AKT3: variants seen among roughly 807,000 people sequenced by gnomAD.
AKT3 encodes the protein AKT serine/threonine kinase 3.
In AKT3, 15 loss-of-function variants were observed where a neutral mutation model predicts 65.3. That is an observed-to-expected ratio of 0.23 (90% CI 0.15 to 0.35). The LOEUF (loss-of-function observed/expected upper bound fraction) is 0.35. AKT3 is among the 10% of genes least tolerant of loss of function. The pLI, the probability that AKT3 is intolerant of heterozygous loss-of-function variation, is 1.00. For missense variants in AKT3, 243 were observed against 576.5 expected (o/e 0.42, Z 5.92); for synonymous variants, 206 against 183.8 (o/e 1.12, Z -0.98).
intron 2 of AKT3, among the ~76,000 whole-genome samples, chr1:243,786,686 TG>T (rs573524393): frequency 1.3e-5 from 2 of 149,866 alleles, no homozygotes; most frequent in East Asian, 2.0e-4. Context: ...AAGCACGGGG[TG>T]GGGGGGTGCG....
intron 3 of AKT3, among the ~76,000 whole-genome samples, chr1:243,673,460 T>C (rs1683288716): frequency 6.6e-6 from 1 of 152,164 alleles, no homozygotes; most frequent in African/African-American, 2.4e-5. Context: ...TTATATTTAA[T>C]AGTGGCATAA....
At chr1:243,571,190 G>A (rs992662026) in intron 9 of AKT3, among the ~76,000 whole-genome samples, 4 of 152,176 alleles carry the variant, frequency 2.6e-5, no homozygotes, top group Non-Finnish European at 5.9e-5. Context: ...GGTGGCACAT[G>A]CCTGTAATCC....
At chr1:243,656,910 T>C (rs1681845170) in intron 4 of AKT3, among the ~76,000 whole-genome samples, 2 of 152,196 alleles carry the variant, frequency 1.3e-5, no homozygotes, top group Non-Finnish European at 1.5e-5. Context: ...AACAGTAAAT[T>C]AGTGGTGTAT....
At chr1:243,609,334 C>CTGTGTGTGTG (rs72249798) in intron 8 of AKT3, among the ~76,000 whole-genome samples, 5,264 of 148,116 alleles carry the variant, frequency 0.036, 99 homozygotes, top group Non-Finnish European at 0.045. Flanking sequence ...TTTTCATTTT[C>CTGTGTGTGTG]TGTGTGTGTG....
intron 2 of AKT3, among the ~76,000 whole-genome samples, chr1:243,732,557 A>G (rs1197495327): frequency 6.6e-6 from 1 of 152,256 alleles, no homozygotes; most frequent in Non-Finnish European, 1.5e-5. Context: ...AAGAACAGGA[A>G]AAGAGTTTGT....
intron 2 of AKT3, among the ~76,000 whole-genome samples, chr1:243,827,991 T>C (rs1185853632): frequency 2.0e-5 from 3 of 152,252 alleles, no homozygotes; most frequent in East Asian, 1.9e-4. Flanking sequence ...AGTTAGCAAG[T>C]AGCTTATCAC....
At position 243,788,534 on chromosome 1, in the gene AKT3, C is replaced by G. The variant is rs1423765350; in HGVS notation, c.46+54591G>C. Among the ~76,000 whole-genome samples the G allele has an allele frequency of 2.0e-5, 3 of 152,200 alleles. No individual in the cohort carries two copies. In the South Asian group the frequency reaches 6.2e-4, roughly 32 times the overall value. ...ATAGTATTTGCATATAACCTACACA[C>G]ATTATCCTGTATACAGGCATACCTC... On this transcript the variant is annotated intron_variant, in intron 2 of 13. Coordinates refer to ENST00000673466, the MANE Select transcript of AKT3 (RefSeq NM_005465.7).
In AKT3 at chr1:243,667,722, T is replaced by G. The variant is rs1682894330; in HGVS notation, c.173-2839A>C. ...CTGCAGTGTTTCAGTTCACTAAGAA[T>G]AGATGAGTAAGGCCTTTAAGTGATC... is the stretch of plus-strand genomic sequence containing the variant. On this transcript the variant is annotated intron_variant, in intron 3 of 13. Transcript: ENST00000673466. 1.3e-5 allele frequency among the ~76,000 whole-genome samples: 2 copies of G among 152,178 alleles called. 1 individual carries two copies. Among genetic ancestry groups the G allele is most frequent in the South Asian group, 4.1e-4 (2 of 4,826 alleles).
intron 13 of AKT3, 113 bp from the exon 14 acceptor site, chr1:243,505,447 CCCA>C: frequency 1.2e-6 from 1 of 802,588 alleles, no homozygotes. Flanking sequence ...GGCAATAGCT[CCCA>C]TAAACTTGTG....
In AKT3 at chr1:243,711,211, C is replaced by G. The variant is rs543695696; in HGVS notation, c.47-15495G>C. ...GCACGTGCCTGTAGTCCCAGCTACTCGGGAGGCTGAGGCAGGAGAATCGCT... is the reference window on the plus strand; with the variant it reads ...GCACGTGCCTGTAGTCCCAGCTACTGGGGAGGCTGAGGCAGGAGAATCGCT... On this transcript the variant is annotated intron_variant, in intron 2 of 13. Transcript: ENST00000673466. 7.9e-5 allele frequency among the ~76,000 whole-genome samples: 12 copies of G among 151,974 alleles called. No homozygotes were observed. In the South Asian group the frequency reaches 1.0e-3, roughly 13 times the overall value.
intron 1 of AKT3, among the ~76,000 whole-genome samples, chr1:243,847,970 C>T (rs1448882278): frequency 1.3e-5 from 2 of 151,988 alleles, no homozygotes; most frequent in South Asian, 4.1e-4. Flanking sequence ...GGAAAGAAAA[C>T]CAAATGAATA....
intron 8 of AKT3, among the ~76,000 whole-genome samples, chr1:243,578,202 T>C (rs1208082788): frequency 1.3e-5 from 2 of 152,144 alleles, no homozygotes; most frequent in Admixed American, 1.3e-4. Flanking sequence ...CCCAAAGGAA[T>C]ACAAATCATT....
At chr1:243,558,304 T>C (rs1673543972) in intron 10 of AKT3, among the ~76,000 whole-genome samples, 1 of 152,058 alleles carries the variant, frequency 6.6e-6, no homozygotes, top group Non-Finnish European at 1.5e-5. Flanking sequence ...TTAATCTCCA[T>C]GTGTACTATG....
At chr1:243,781,556 T>C (rs1313890254) in intron 2 of AKT3, among the ~76,000 whole-genome samples, 1 of 152,218 alleles carries the variant, frequency 6.6e-6, no homozygotes, top group South Asian at 2.1e-4. Context: ...TTACCCAGTA[T>C]ATACCTTTTG....
chr1:243,702,107 T>C (rs931545297), intron 2 of AKT3, among the ~76,000 whole-genome samples: 2 of 53,090 alleles, frequency 3.8e-5, no homozygotes, highest in African/African-American at 6.5e-5. Context: ...ATAGAATTTA[T>C]GCAAAAAAAA....
At chr1:243,507,681 AAAG>A in intron 13 of AKT3, among the ~76,000 whole-genome samples, 1 of 152,358 alleles carries the variant, frequency 6.6e-6, no homozygotes, top group African/African-American at 2.4e-5. Flanking sequence ...TTATCTGGAA[AAAG>A]AAGACAATGA....
At chr1:243,738,099 A>G (rs1343418918) in intron 2 of AKT3, among the ~76,000 whole-genome samples, 1 of 152,098 alleles carries the variant, frequency 6.6e-6, no homozygotes, top group Non-Finnish European at 1.5e-5. Context: ...TAGCTCCACC[A>G]TTTTTTTCAC....
intron 2 of AKT3, among the ~76,000 whole-genome samples, chr1:243,700,098 A>G (rs1305826461): frequency 6.6e-6 from 1 of 152,152 alleles, no homozygotes; most frequent in Non-Finnish European, 1.5e-5. Flanking sequence ...AATTTGTGAC[A>G]GCAGTCCTAG....
intron 8 of AKT3, 103 bp downstream of exon 8, chr1:243,613,568 T>A: frequency 9.8e-6 from 8 of 817,476 alleles, no homozygotes; most frequent in Non-Finnish European, 1.5e-5. Flanking sequence ...TAAATTCCTA[T>A]CAAGAAATGG....
Sources: allele counts gnomAD v4.1 joint callset (sites outside exome capture counted in the v4.1 genomes callset), GRCh38; gene constraint gnomAD v4.1.1; transcripts MANE v1.5; gene names NCBI Gene and HGNC (gene_info 2026-07-23, HGNC 2026-07-21).